DACH1: variants seen among roughly 807,000 people sequenced by gnomAD.
The protein encoded by DACH1 is dachshund family transcription factor 1.
A neutral mutation model predicts 54.2 loss-of-function variants in DACH1; 12 were observed. The ratio of observed to expected loss-of-function variants is 0.22; its 90% CI spans 0.14 to 0.36. The LOEUF (loss-of-function observed/expected upper bound fraction) is 0.36. Among genes scored for constraint, DACH1 ranks in the 10% least tolerant of loss-of-function variants. The pLI, the probability that DACH1 is intolerant of heterozygous loss-of-function variation, is 1.00. For missense variants in DACH1, 805 were observed against 929.8 expected, an observed-to-expected ratio of 0.87 and a Z score of 1.75; for synonymous variants, 386 against 366.2, an observed-to-expected ratio of 1.05 and a Z score of -0.62.
chr13:71,650,895 T>C (rs948799985), intron 2 of DACH1, among the ~76,000 whole-genome samples: 11 of 152,150 alleles, frequency 7.2e-5, no homozygotes, highest in South Asian at 2.1e-4. Context: ...ACTTGTAAGA[T>C]AAATACAAAC....
In DACH1 at chr13:71,545,538, G is replaced by A. The variant is rs987034978; in HGVS notation, c.1570+11486C>T. The stretch of plus-strand genomic sequence containing the variant: ...AGAAAAGAAGAAAGGAAGGAAGAAG[G>A]GAGGGAAGGAGGGAGGGAGAGAGGG... On this transcript the variant is annotated intron_variant, in intron 6 of 10. Transcript: ENST00000613252. 3.3e-5 allele frequency among the ~76,000 whole-genome samples: 5 copies of A among 151,168 alleles called. No individual in the cohort carries two copies. The South Asian group carries it at 8.4e-4, about 26-fold the overall frequency.
chr13:71,582,638 T>C (rs552441954), intron 3 of DACH1, among the ~76,000 whole-genome samples: 1 of 152,124 alleles, frequency 6.6e-6, no homozygotes, highest in South Asian at 2.1e-4. Flanking sequence ...TTCAGCATAT[T>C]TGAAGGACCA....
At position 71,675,369 on chromosome 13, in the gene DACH1, T is replaced by A. The variant is rs1880498467; in HGVS notation, c.964+6426A>T. On this transcript the variant is annotated intron_variant, in intron 2 of 10. Coordinates refer to ENST00000613252, the MANE Select transcript of DACH1 (RefSeq NM_080759.6). The stretch of plus-strand genomic sequence containing the variant: ...AGGAGGCAAGTGAGGCCTATCTGGT[T>A]GGCCTTTTTGAAGACACCAACCTGT... 3 of 1,498,314 alleles carry A rather than the reference T, an allele frequency of 2.0e-6. No individual in the cohort carries two copies. In the Admixed American group the frequency reaches 5.3e-5, roughly 26 times the overall value. The allele number at this position is 1,498,314 out of a possible 1,614,324, so 92.8% of individuals were successfully genotyped here.
At chr13:71,713,262 A>G (rs1594127121) in intron 1 of DACH1, among the ~76,000 whole-genome samples, 1 of 152,048 alleles carries the variant, frequency 6.6e-6, no homozygotes, top group African/African-American at 2.4e-5. Context: ...ACAACCATAT[A>G]TGTTCCCTAA....
chr13:71,844,959 G>A (rs1416250596), intron 1 of DACH1, among the ~76,000 whole-genome samples: 1 of 152,106 alleles, frequency 6.6e-6, no homozygotes, highest in East Asian at 1.9e-4. Flanking sequence ...AGGCTGGGAA[G>A]GGCAGGAGAA....
At position 71,866,350 on chromosome 13, in the gene DACH1, G is replaced by A; in HGVS notation, c.420C>T (p.Ser140=). 1.3e-6 allele frequency: 2 copies of A among 1,531,126 alleles called. No individual in the cohort carries two copies. 94.8% of individuals were successfully genotyped at this position (1,531,126 alleles called of 1,614,324 possible). Residue 140 remains serine, a synonymous_variant, in exon 1 of 11, where the codon AGC becomes AGT. Coordinates refer to ENST00000613252, the MANE Select transcript of DACH1 (RefSeq NM_080759.6). ...TGCTGCTGCTACTGCTGCTGCTGCT[G>A]CTGCCGGTGCTGGCGTTGATGGGGG... is the stretch of plus-strand genomic sequence containing the variant. ...SSTPINASTG[S]SSSSSSSSSS...
intron 6 of DACH1, among the ~76,000 whole-genome samples, chr13:71,498,273 G>T (rs1879613692): frequency 6.6e-6 from 1 of 152,172 alleles, no homozygotes; most frequent in Non-Finnish European, 1.5e-5. Flanking sequence ...CGATCATCTA[G>T]TCGCAGCTAC....
intron 2 of DACH1, among the ~76,000 whole-genome samples, chr13:71,657,742 CTT>C (rs960306316): frequency 1.3e-5 from 2 of 151,944 alleles, no homozygotes; most frequent in African/African-American, 4.8e-5. Flanking sequence ...GTAGAATTTA[CTT>C]TCTCTTTTTT....
chr13:71,558,589 A>G (rs1330705839), intron 5 of DACH1, among the ~76,000 whole-genome samples: 1 of 151,936 alleles, frequency 6.6e-6, no homozygotes, highest in East Asian at 1.9e-4. Flanking sequence ...TGAAACCAAT[A>G]TTTATCATTA....
At chr13:71,592,494 CAA>C (rs575364116) in intron 3 of DACH1, among the ~76,000 whole-genome samples, 2 of 32,792 alleles carry the variant, frequency 6.1e-5, no homozygotes, top group South Asian at 1.3e-3. Context: ...GACTCTATCT[CAA>C]AAAAAAAAAA....
At chr13:71,710,806 A>G (rs1323720406) in intron 1 of DACH1, among the ~76,000 whole-genome samples, 1 of 152,176 alleles carries the variant, frequency 6.6e-6, no homozygotes. Context: ...AACATCTGCA[A>G]AGCAAAGAAA....
intron 1 of DACH1, among the ~76,000 whole-genome samples, chr13:71,823,433 A>G (rs1888267287): frequency 6.6e-6 from 1 of 152,114 alleles, no homozygotes; most frequent in African/African-American, 2.4e-5. Flanking sequence ...GAAAGGCCTC[A>G]TAAAGACAAG....
intron 1 of DACH1, among the ~76,000 whole-genome samples, chr13:71,805,299 A>G (rs982712068): frequency 3.9e-5 from 6 of 152,158 alleles, no homozygotes; most frequent in Admixed American, 2.0e-4. Context: ...ACAACCACCA[A>G]AATCTATGAG....
At chr13:71,672,465 C>T (rs890792307) in intron 2 of DACH1, among the ~76,000 whole-genome samples, 1 of 151,950 alleles carries the variant, frequency 6.6e-6, no homozygotes, top group African/African-American at 2.4e-5. Context: ...AACTTATCCC[C>T]AAAAAGTATG....
chr13:71,457,489 C>T (rs1875676559), intron 10 of DACH1, among the ~76,000 whole-genome samples: 1 of 151,900 alleles, frequency 6.6e-6, no homozygotes, highest in Non-Finnish European at 1.5e-5. Flanking sequence ...CACTCACTTT[C>T]CTGGACAAAA....
chr13:71,779,146 TAC>T (rs1228747745), intron 1 of DACH1, among the ~76,000 whole-genome samples: 7 of 136,398 alleles, frequency 5.1e-5, no homozygotes, highest in African/African-American at 1.7e-4. Flanking sequence ...TACACATATA[TAC>T]ACATATATAC....
chr13:71,549,590 A>C (rs767319129), intron 6 of DACH1, among the ~76,000 whole-genome samples: 38 of 152,294 alleles, frequency 2.5e-4, no homozygotes, highest in Middle Eastern at 3.4e-3. Context: ...CTAAACATAG[A>C]AAAGATGTAC....
chr13:71,581,775 T>C (rs534739186), intron 3 of DACH1, among the ~76,000 whole-genome samples: 1 of 152,280 alleles, frequency 6.6e-6, no homozygotes, highest in South Asian at 2.1e-4. Flanking sequence ...CTAGTATATA[T>C]CATGTACTTA....
chr13:71,745,458 A>G (rs767004323), intron 1 of DACH1, among the ~76,000 whole-genome samples: 2 of 152,246 alleles, frequency 1.3e-5, no homozygotes, highest in Non-Finnish European at 2.9e-5. Context: ...ATTGCATTAT[A>G]CTATCATAAT....
Sources: allele counts gnomAD v4.1 joint callset (sites outside exome capture counted in the v4.1 genomes callset), GRCh38; gene constraint gnomAD v4.1.1; transcripts MANE v1.5; gene names NCBI Gene and HGNC (gene_info 2026-07-23, HGNC 2026-07-21).